The following DLGAP4 variants were observed in gnomAD, a reference collection of about 807,000 sequenced individuals.
DLGAP4 encodes disks large-associated protein 4.
DLGAP4 carries 18 observed loss-of-function variants against 86.9 expected under a neutral mutation model. The observed-to-expected ratio is 0.21, with a 90% CI of 0.14 to 0.31. DLGAP4 has a LOEUF of 0.31. Among genes scored for constraint, DLGAP4 ranks in the 10% least tolerant of loss-of-function variants. DLGAP4 has a pLI of 1.00. For missense variants in DLGAP4, 1,085 were observed against 1,362.6 expected, an observed-to-expected ratio of 0.80 and a Z score of 3.21; for synonymous variants, 548 against 574.3, an observed-to-expected ratio of 0.95 and a Z score of 0.65.
intron 2 of DLGAP4, among the ~76,000 whole-genome samples, chr20:36,430,603 A>C (rs1369291190): frequency 7.2e-6 from 1 of 139,814 alleles, no homozygotes; most frequent in Non-Finnish European, 1.5e-5. Context: ...GGATCCCTTG[A>C]TCCCAGGAGG....
At chr20:36,349,432 A>G (rs1428373677) in intron 1 of DLGAP4, among the ~76,000 whole-genome samples, 1 of 152,082 alleles carries the variant, frequency 6.6e-6, no homozygotes, top group Non-Finnish European at 1.5e-5. Flanking sequence ...AAAAAAAAAA[A>G]AAGTGAGATG....
chr20:36,360,574 G>A (rs1277500697), intron 1 of DLGAP4, among the ~76,000 whole-genome samples: 1 of 152,096 alleles, frequency 6.6e-6, no homozygotes, highest in Non-Finnish European at 1.5e-5. Context: ...GGCTTGGGGC[G>A]TCAGGGCCAT....
chr20:36,335,591 G>A (rs373953223), intron 1 of DLGAP4, among the ~76,000 whole-genome samples: 20 of 152,242 alleles, frequency 1.3e-4, no homozygotes, highest in Non-Finnish European at 2.4e-4. Context: ...TAGATGCTCC[G>A]GACACAGCTG....
chr20:36,317,276 TTATC>T (rs2065115065), intron 1 of DLGAP4, among the ~76,000 whole-genome samples: 5 of 8,950 alleles, frequency 5.6e-4, no homozygotes, highest in Non-Finnish European at 9.1e-4. Flanking sequence ...TCTTTCTTTC[TTATC>T]TTTCTTTCTT....
chr20:36,432,857 TG>T lies in DLGAP4; in HGVS notation c.999+143del. On this transcript the variant is annotated intron_variant, in intron 3 of 12. Coordinates refer to ENST00000339266, the MANE Select transcript of DLGAP4 (RefSeq NM_001365621.2). The surrounding 1 kb of genome is among the most constrained non-coding windows in gnomAD (Gnocchi z 6.5). Reference sequence around the variant, plus strand: ...CTCAGCTATAAAATGGGTGGCCTAGTGGTACCTGCTAATCAGGGAGTCCTTC... The same window carrying T: ...CTCAGCTATAAAATGGGTGGCCTAGTGTACCTGCTAATCAGGGAGTCCTTC... The T allele has an allele frequency of 9.4e-7, 1 of 1,065,164 alleles. No individual in the cohort carries two copies. The highest frequency in any genetic ancestry group is 1.4e-6 in the Non-Finnish European group (1 of 737,904). The allele number at this position is 1,065,164 out of a possible 1,614,324, so 66.0% of individuals were successfully genotyped here.
intron 7 of DLGAP4, among the ~76,000 whole-genome samples, chr20:36,485,102 T>C (rs1453724096): frequency 1.3e-5 from 2 of 152,204 alleles, no homozygotes; most frequent in African/African-American, 4.8e-5. Context: ...ATTATTTTCT[T>C]TGGCCGGGCG....
chr20:36,376,578 CA>C (rs1208419655), intron 2 of DLGAP4, among the ~76,000 whole-genome samples: 2 of 152,102 alleles, frequency 1.3e-5, no homozygotes, highest in Admixed American at 6.5e-5. Flanking sequence ...TGGCGTTTAG[CA>C]GGGAGATTCA....
chr20:36,446,882 G>A lies in DLGAP4; in HGVS notation c.1593G>A (p.Gln531=). 1.2e-6 allele frequency: 2 copies of A among 1,613,380 alleles called. No individual in the cohort carries two copies. The highest frequency in any genetic ancestry group is 8.5e-7 in the Non-Finnish European group (1 of 1,179,934). ...CSQEEDSVSL[Q]SLSPPPSTGS... is the part of the protein sequence containing the mutation. ...AGGAGGAGGACAGTGTCTCCCTGCA[G>A]TCCCTCTCCCCACCGCCCAGTACCG... Residue 531 remains glutamine (Q), a synonymous_variant, in exon 7 of 13, where the codon CAG becomes CAA. Coordinates refer to ENST00000339266, the MANE Select transcript of DLGAP4 (RefSeq NM_001365621.2).
chr20:36,320,485 G>C (rs531984950), intron 1 of DLGAP4, among the ~76,000 whole-genome samples: 1 of 152,240 alleles, frequency 6.6e-6, no homozygotes, highest in South Asian at 2.1e-4. Context: ...GTGGGGCTGT[G>C]GGGCTGTGAG....
intron 1 of DLGAP4, among the ~76,000 whole-genome samples, chr20:36,356,708 C>T (rs193101888): frequency 2.6e-5 from 4 of 151,986 alleles, no homozygotes; most frequent in African/African-American, 7.2e-5. Flanking sequence ...GAACACGCCA[C>T]TTACTAATGT....
At chr20:36,419,342 G>T (rs1300876892) in intron 2 of DLGAP4, among the ~76,000 whole-genome samples, 1 of 150,592 alleles carries the variant, frequency 6.6e-6, no homozygotes, top group African/African-American at 2.5e-5. Flanking sequence ...TGTTGCCCAG[G>T]CTGGTTTTGA....
At chr20:36,323,835 C>T (rs2065192476) in intron 1 of DLGAP4, among the ~76,000 whole-genome samples, 1 of 152,180 alleles carries the variant, frequency 6.6e-6, no homozygotes, top group South Asian at 2.1e-4. Flanking sequence ...GATTCGTACT[C>T]CTGTGAGAAT....
chr20:36,493,841 C>T (rs1384878463), intron 7 of DLGAP4, among the ~76,000 whole-genome samples: 1 of 152,270 alleles, frequency 6.6e-6, no homozygotes, highest in Non-Finnish European at 1.5e-5. Flanking sequence ...ACCTCACAGG[C>T]TCTGAGGCTT....
chr20:36,488,472 C>T (rs781394716), intron 7 of DLGAP4, among the ~76,000 whole-genome samples: 9 of 152,168 alleles, frequency 5.9e-5, no homozygotes, highest in Non-Finnish European at 1.3e-4. Flanking sequence ...GAATGCTAAA[C>T]CATTGCTCTT....
At chr20:36,339,196 TCGTGCTTCAGCCTCC>T (rs1555892300) in intron 1 of DLGAP4, among the ~76,000 whole-genome samples, 1 of 151,310 alleles carries the variant, frequency 6.6e-6, no homozygotes, top group African/African-American at 2.4e-5. Flanking sequence ...CAAGCCATTC[TCGTGCTTCAGCCTCC>T]CAAGTAGCTG....
At chr20:36,441,887 C>T (rs116121480) in intron 5 of DLGAP4, among the ~76,000 whole-genome samples, 1,644 of 152,268 alleles carry the variant, frequency 0.011, 29 homozygotes, top group African/African-American at 0.038. Context: ...CACCTTTGTC[C>T]TTTAACTACA....
At chr20:36,359,990 C>T (rs781988596) in intron 1 of DLGAP4, among the ~76,000 whole-genome samples, 3 of 152,142 alleles carry the variant, frequency 2.0e-5, no homozygotes, top group Non-Finnish European at 2.9e-5. Flanking sequence ...TAGGGGCATG[C>T]GTCCTCTCTG....
intron 10 of DLGAP4, chr20:36,508,320 A>C (rs2036494259): frequency 6.6e-6 from 1 of 151,390 alleles, no homozygotes; most frequent in Non-Finnish European, 1.5e-5. Context: ...TGTCTTGAAC[A>C]CTCTGTCTAC....
chr20:36,307,156 C>T (rs976934020), intron 1 of DLGAP4, among the ~76,000 whole-genome samples: 1 of 152,150 alleles, frequency 6.6e-6, no homozygotes, highest in Non-Finnish European at 1.5e-5. Context: ...TGTTTGCGTC[C>T]CTGGGAGGGG....
Sources: gnomAD v4.1 joint callset for allele counts (sites outside exome capture counted in the v4.1 genomes callset) on GRCh38, gnomAD v4.1.1 for gene constraint, Gnocchi (gnomAD v3.1) non-coding constraint, MANE v1.5 for transcripts, NCBI Gene and HGNC (gene_info 2026-07-23, HGNC 2026-07-21) for gene names.